The following PTPN20 variants were observed in gnomAD, a reference collection of about 807,000 sequenced individuals.
The protein encoded by PTPN20 is tyrosine-protein phosphatase non-receptor type 20.
PTPN20 carries 9 observed loss-of-function variants against 35.0 expected under a neutral mutation model. The ratio of observed to expected loss-of-function variants is 0.26; its 90% CI spans 0.15 to 0.45. The LOEUF (loss-of-function observed/expected upper bound fraction) is 0.45. Among genes scored for constraint, PTPN20 ranks in the 20% least tolerant of loss-of-function variants. The probability of loss-of-function intolerance (pLI) is 1.00; values close to 1 mark genes in which losing one functional copy is unlikely to be tolerated. For missense variants in PTPN20, 111 were observed against 312.5 expected (o/e 0.36, Z 4.86); for synonymous variants, 32 against 100.2 (o/e 0.32, Z 4.06).
chr10:46,994,516 A>G (rs1340778813), intron 9 of PTPN20, among the ~76,000 whole-genome samples: 4 of 151,348 alleles, frequency 2.6e-5, no homozygotes, highest in African/African-American at 4.9e-5. Flanking sequence ...GTATTTTTTT[A>G]GTAGAGACGG....
intron 9 of PTPN20, among the ~76,000 whole-genome samples, chr10:46,993,299 G>A (rs2058366290): frequency 6.6e-6 from 1 of 152,218 alleles, no homozygotes; most frequent in Non-Finnish European, 1.5e-5. Flanking sequence ...GGGAACCCTG[G>A]CAGCCTGTGC....
At chr10:46,949,351 C>G (rs1169821041) in intron 5 of PTPN20, among the ~76,000 whole-genome samples, 1 of 152,230 alleles carries the variant, frequency 6.6e-6, no homozygotes, top group African/African-American at 2.4e-5. Context: ...ATCCAGCTAT[C>G]AGCAGTGCAT....
intron 10 of PTPN20, 46 bp downstream of exon 10, chr10:47,000,020 G>C: frequency 6.2e-7 from 1 of 1,609,284 alleles, no homozygotes; most frequent in Non-Finnish European, 8.5e-7. Flanking sequence ...TGAATATAAA[G>C]ATTAACATTG....
At chr10:47,003,159 T>C (rs1294625516), downstream of PTPN20, among the ~76,000 whole-genome samples, 1 of 152,046 alleles carries the variant, frequency 6.6e-6, no homozygotes, top group Non-Finnish European at 1.5e-5. Context: ...AATCAAAAAC[T>C]GGTAATTACT....
downstream of PTPN20, among the ~76,000 whole-genome samples, chr10:47,003,154 A>C (rs1204904535): frequency 6.6e-6 from 1 of 152,056 alleles, no homozygotes; most frequent in African/African-American, 2.4e-5. Context: ...GCCTCAATCA[A>C]AAACTGGTAA....
chr10:46,977,079 A>G (rs2053921140), intron 7 of PTPN20, among the ~76,000 whole-genome samples: 1 of 152,254 alleles, frequency 6.6e-6, no homozygotes, highest in Non-Finnish European at 1.5e-5. Context: ...ATTAACATTT[A>G]GATTAGCAGA....
chr10:46,982,927 A>G (rs1490027187), intron 7 of PTPN20, among the ~76,000 whole-genome samples: 9 of 151,960 alleles, frequency 5.9e-5, no homozygotes, highest in Non-Finnish European at 1.3e-4. Flanking sequence ...TTAAATAATT[A>G]ATGCTCTCTT....
chr10:46,999,903 T>G lies in PTPN20; in HGVS notation c.1135-9T>G. ...TGGATCATACAAAATTACTGTCATC[T>G]TATTACAGTTCAACATCATGGATAT... On this transcript the variant is annotated splice_polypyrimidine_tract_variant and intron_variant, in intron 9 of 10. Coordinates refer to ENST00000374339, the MANE Select transcript of PTPN20 (RefSeq NM_001042357.5). The G allele has an allele frequency of 6.2e-7, 1 of 1,613,670 alleles. No individual in the cohort carries two copies. The highest frequency in any genetic ancestry group is 8.5e-7 in the Non-Finnish European group (1 of 1,179,644).
At chr10:46,947,112 G>T (rs1225397264) in intron 5 of PTPN20, among the ~76,000 whole-genome samples, 2 of 144,026 alleles carry the variant, frequency 1.4e-5, no homozygotes, top group Non-Finnish European at 3.0e-5. Flanking sequence ...TTATAATACT[G>T]AAGAATATTT....
At chr10:46,936,012 G>A (rs1173158878) in intron 2 of PTPN20, among the ~76,000 whole-genome samples, 1 of 151,900 alleles carries the variant, frequency 6.6e-6, no homozygotes, top group East Asian at 1.9e-4. Flanking sequence ...GTGTAAGATG[G>A]TATCTCATTG....
chr10:46,996,814 G>A (rs1266414903), intron 9 of PTPN20, among the ~76,000 whole-genome samples: 1 of 152,078 alleles, frequency 6.6e-6, no homozygotes, highest in Non-Finnish European at 1.5e-5. Flanking sequence ...TTCTGGTTCC[G>A]TATTCTGTTC....
intron 4 of PTPN20, among the ~76,000 whole-genome samples, chr10:46,944,785 A>G (rs1214847338): frequency 6.8e-6 from 1 of 147,266 alleles, no homozygotes; most frequent in Non-Finnish European, 1.5e-5. Flanking sequence ...ACAAACTACT[A>G]TATATTTTTT....
At chr10:46,993,497 A>G (rs958851372) in intron 9 of PTPN20, among the ~76,000 whole-genome samples, 14 of 152,190 alleles carry the variant, frequency 9.2e-5, no homozygotes, top group Non-Finnish European at 1.9e-4. Flanking sequence ...CCGTGGGTGT[A>G]TAGCTGATGT....
intron 1 of PTPN20, among the ~76,000 whole-genome samples, chr10:46,922,782 T>C (rs1555109744): frequency 7.3e-6 from 1 of 137,000 alleles, no homozygotes; most frequent in Non-Finnish European, 1.5e-5. Context: ...TTTGGACTTG[T>C]TTGAGACCTG....
At chr10:46,939,912 ATATTT>A (rs2042914221) in intron 2 of PTPN20, among the ~76,000 whole-genome samples, 1 of 152,138 alleles carries the variant, frequency 6.6e-6, no homozygotes, top group Non-Finnish European at 1.5e-5. Flanking sequence ...CTTGTTTACT[ATATTT>A]TTATTGATTT....
chr10:46,940,040 T>G (rs2133886242), intron 2 of PTPN20, among the ~76,000 whole-genome samples: 1 of 152,126 alleles, frequency 6.6e-6, no homozygotes, highest in South Asian at 2.1e-4. Flanking sequence ...TTCTCTTGGC[T>G]TCTTATCTGA....
At chr10:46,939,978 A>G (rs1204077164) in intron 2 of PTPN20, among the ~76,000 whole-genome samples, 1 of 152,182 alleles carries the variant, frequency 6.6e-6, no homozygotes, top group Non-Finnish European at 1.5e-5. Flanking sequence ...TAAGGCTCCC[A>G]TGGTATGAGA....
chr10:46,937,950 CTT>C lies in PTPN20; in HGVS notation c.35-2659_35-2658del, dbSNP rs1266304586. On this transcript the variant is annotated intron_variant, in intron 2 of 10. Coordinates refer to ENST00000374339, the MANE Select transcript of PTPN20 (RefSeq NM_001042357.5). ...TTTTCTTCTTTTTTCTTTTTCTTTT[CTT>C]TTTTTTTTTTTTTCTTAGACAGAGT... Among the ~76,000 whole-genome samples, 168 of 127,158 alleles carry C rather than the reference CTT, an allele frequency of 1.3e-3. 1 individual carries two copies. In the South Asian group the frequency reaches 0.014, roughly 10 times the overall value. 83.4% of individuals were successfully genotyped at this position (127,158 alleles called of 152,430 possible).
chr10:46,972,246 C>A (rs2135981025), intron 7 of PTPN20, among the ~76,000 whole-genome samples: 1 of 151,488 alleles, frequency 6.6e-6, no homozygotes, highest in Non-Finnish European at 1.5e-5. Flanking sequence ...AAGAAGAGGA[C>A]AAATAACCCA....
Sources: allele counts gnomAD v4.1 joint callset (sites outside exome capture counted in the v4.1 genomes callset), GRCh38; gene constraint gnomAD v4.1.1; transcripts MANE v1.5; gene names NCBI Gene and HGNC (gene_info 2026-07-23, HGNC 2026-07-21).